PIK3R6: variants seen among roughly 807,000 people sequenced by gnomAD.
PIK3R6 encodes phosphoinositide 3-kinase regulatory subunit 6.
A neutral mutation model predicts 84.9 loss-of-function variants in PIK3R6; 91 were observed. The ratio of observed to expected loss-of-function variants is 1.07; its 90% CI spans 0.90 to 1.28. PIK3R6 has a LOEUF of 1.28. Ranked by LOEUF, PIK3R6 falls within the 50% of genes most tolerant of loss-of-function variation. PIK3R6 has a pLI of 0.00. For synonymous variants in PIK3R6, 416 were observed against 411.4 expected (o/e 1.01, Z -0.13); for missense variants, 996 against 985.1 (o/e 1.01, Z -0.15).
At chr17:8,829,916 C>G in intron 9 of PIK3R6, 124 bp from the exon 10 acceptor site, 3 of 691,176 alleles carry the variant, frequency 4.3e-6, no homozygotes, top group Non-Finnish European at 7.1e-6. Flanking sequence ...TCCTTCACAT[C>G]TGGTCTGCCT....
At chr17:8,826,964 C>T (rs1018141665) in intron 13 of PIK3R6, among the ~76,000 whole-genome samples, 1 of 152,118 alleles carries the variant, frequency 6.6e-6, no homozygotes, top group South Asian at 2.1e-4. Flanking sequence ...TTCAAAGCCA[C>T]TATCTGGTTA....
At position 8,803,652 on chromosome 17, in the gene PIK3R6, C is replaced by T; in HGVS notation, c.2109-223G>A. 1.8e-6 allele frequency: 1 copy of T among 561,394 alleles called. No homozygotes were observed. Among genetic ancestry groups the T allele is most frequent in the East Asian group, 3.0e-5 (1 of 33,072 alleles). 34.8% of individuals were successfully genotyped at this position (561,394 alleles called of 1,614,324 possible). A position where few individuals can be genotyped will look rare whatever the true frequency, so the allele number is the denominator to read the frequency against. On this transcript the variant is annotated intron_variant, in intron 19 of 19. Coordinates refer to ENST00000619866, the MANE Select transcript of PIK3R6 (RefSeq NM_001010855.4). The surrounding 1 kb of genome is among the most constrained non-coding windows in gnomAD (Gnocchi z 5.0). ...CTTGGAGCAAGTAACTCTGCGCATGCCTCCCTTACCCAAACACACCTCCCG... is the reference window on the plus strand; with the variant it reads ...CTTGGAGCAAGTAACTCTGCGCATGTCTCCCTTACCCAAACACACCTCCCG...
At position 8,828,120 on chromosome 17, in the gene PIK3R6, C is replaced by T. The variant is rs573753611; in HGVS notation, c.1384G>A (p.Ala462Thr). The change falls in exon 12 of 20, where the codon GCG becomes ACG. Residue 462 changes from alanine to threonine, a missense_variant. By Grantham distance (58) the Ala-to-Thr change is moderately conservative. Coordinates refer to ENST00000619866, the MANE Select transcript of PIK3R6 (RefSeq NM_001010855.4). ...SLQLYYIPVL[A>T]PEKPAASRQP... ...CCCCGCGGTCCAGTCACCTCAGGCGCCAGCACGGGGATGTAGTAGAGCTGC... is the reference window on the plus strand; with the variant it reads ...CCCCGCGGTCCAGTCACCTCAGGCGTCAGCACGGGGATGTAGTAGAGCTGC... 6.2e-7 allele frequency: 1 copy of T among 1,613,912 alleles called. No individual in the cohort carries two copies. The highest frequency in any genetic ancestry group is 2.2e-5 in the East Asian group (1 of 44,886).
chr17:8,818,075 C>T (rs151291579), intron 18 of PIK3R6, among the ~76,000 whole-genome samples: 1 of 152,240 alleles, frequency 6.6e-6, no homozygotes, highest in East Asian at 1.9e-4. Context: ...GCTGAGTGAT[C>T]CCAAGGATCC....
chr17:8,849,989 G>T (rs989309841), intron 1 of PIK3R6, 104 bp from the exon 2 acceptor site: 4 of 585,482 alleles, frequency 6.8e-6, no homozygotes, highest in South Asian at 5.9e-5. Flanking sequence ...TAGCACACTG[G>T]GGGGAAGTCT....
chr17:8,829,867 G>A, intron 9 of PIK3R6, 75 bp from the exon 10 acceptor site: 1 of 1,228,074 alleles, frequency 8.1e-7, no homozygotes, highest in Non-Finnish European at 1.1e-6. Flanking sequence ...ATCCTGCCCA[G>A]CTCCTGTGCG....
chr17:8,840,969 G>T (rs2088660134), intron 2 of PIK3R6, among the ~76,000 whole-genome samples: 1 of 151,934 alleles, frequency 6.6e-6, no homozygotes, highest in Admixed American at 6.6e-5. Context: ...AGCTAGGATG[G>T]TCTCAATCTC....
intron 2 of PIK3R6, among the ~76,000 whole-genome samples, chr17:8,841,900 G>A (rs532160597): frequency 8.5e-5 from 13 of 152,274 alleles, no homozygotes; most frequent in Non-Finnish European, 1.2e-4. Context: ...AGTGTTGGAC[G>A]TGGGGCCTAA....
intron 18 of PIK3R6, among the ~76,000 whole-genome samples, chr17:8,808,138 T>C (rs1567562784): frequency 1.3e-5 from 2 of 152,246 alleles, no homozygotes; most frequent in Middle Eastern, 3.4e-3. Context: ...GCAGAGGTGA[T>C]TGGTTAATGA....
chr17:8,838,344 TAGTGCTTCTTTTTGA>T (rs2088554856), intron 4 of PIK3R6: 1 of 525,880 alleles, frequency 1.9e-6, no homozygotes, highest in South Asian at 2.2e-5. Flanking sequence ...GGTCGCGTTA[TAGTGCTTCTTTTTGA>T]AAGATGTTTA....
At chr17:8,822,678 G>A in intron 15 of PIK3R6, 21 bp from the exon 16 acceptor site, 1 of 1,611,968 alleles carries the variant, frequency 6.2e-7, no homozygotes, top group African/African-American at 1.3e-5. Flanking sequence ...ATGAGAAGAG[G>A]CTTGGGGTGG....
At chr17:8,866,486 G>A (rs2151330118) in intron 1 of PIK3R6, among the ~76,000 whole-genome samples, 1 of 152,220 alleles carries the variant, frequency 6.6e-6, no homozygotes, top group South Asian at 2.1e-4. Flanking sequence ...AGGTTGCAGT[G>A]AGCCGAGATC....
chr17:8,836,550 T>C lies in PIK3R6; in HGVS notation c.458A>G (p.Glu153Gly). The C allele has an allele frequency of 6.2e-7, 1 of 1,613,954 alleles. No individual in the cohort carries two copies. The highest frequency in any genetic ancestry group is 8.5e-7 in the Non-Finnish European group (1 of 1,179,872). Residue 153 changes from glutamate to glycine, a missense_variant, in exon 7 of 20, where the codon GAG becomes GGG. Coordinates refer to ENST00000619866, the MANE Select transcript of PIK3R6 (RefSeq NM_001010855.4). ...CAATTTTTCTGGGGCCACTCACCTC[T>C]CCTGGTAGGGATACAGCTCATTCGT... ...NLTNELYPYQ[E>G]RVFLFVDPEL...
At chr17:8,829,554 ACT>A (rs951691976) in intron 10 of PIK3R6, among the ~76,000 whole-genome samples, 150 bp downstream of exon 10, 2 of 150,314 alleles carry the variant, frequency 1.3e-5, no homozygotes, top group East Asian at 1.9e-4. Context: ...ACAGACACAC[ACT>A]CATGCACACA....
chr17:8,847,415 AC>A (rs2088838174), intron 2 of PIK3R6, among the ~76,000 whole-genome samples: 3 of 152,196 alleles, frequency 2.0e-5, no homozygotes. Flanking sequence ...TCTTTTGCAT[AC>A]CCTGAAATAA....
intron 2 of PIK3R6, among the ~76,000 whole-genome samples, chr17:8,849,263 T>C (rs1001994439): frequency 1.3e-5 from 2 of 152,224 alleles, no homozygotes; most frequent in Admixed American, 6.5e-5. Context: ...AAGCAATCCA[T>C]ACTGAAATCA....
At chr17:8,832,199 C>T (rs1162724537) in intron 9 of PIK3R6, among the ~76,000 whole-genome samples, 1 of 152,086 alleles carries the variant, frequency 6.6e-6, no homozygotes, top group Non-Finnish European at 1.5e-5. Context: ...TCAGTTTCGT[C>T]CTCTGTAAAA....
Position 8,862,161 on chromosome 17 carries a change from G to C in PIK3R6, c.-92+5368C>G, listed in dbSNP as rs1016850710. Among the ~76,000 whole-genome samples the C allele has an allele frequency of 3.3e-5, 5 of 152,164 alleles. No individual in the cohort carries two copies. The highest frequency in any genetic ancestry group is 2.0e-4 in the Admixed American group (3 of 15,278). Reference sequence around the variant, plus strand: ...GGGGTCTTGGAGTGTGTCCCCTGCAGGTAAGGGGACTACGCTATTGCATTT... The same window carrying C: ...GGGGTCTTGGAGTGTGTCCCCTGCACGTAAGGGGACTACGCTATTGCATTT... On this transcript the variant is annotated intron_variant, in intron 1 of 19. Coordinates refer to ENST00000619866, the MANE Select transcript of PIK3R6 (RefSeq NM_001010855.4). The surrounding 1 kb of genome is among the most constrained non-coding windows in gnomAD (Gnocchi z 4.3).
At chr17:8,816,698 T>C (rs987762000) in intron 18 of PIK3R6, among the ~76,000 whole-genome samples, 1 of 152,156 alleles carries the variant, frequency 6.6e-6, no homozygotes, top group African/African-American at 2.4e-5. Flanking sequence ...ATTTCACTAA[T>C]TGGTAATAAA....
Sources: allele counts gnomAD v4.1 joint callset (sites outside exome capture counted in the v4.1 genomes callset), GRCh38; gene constraint gnomAD v4.1.1; non-coding constraint Gnocchi (gnomAD v3.1); transcripts MANE v1.5; gene names NCBI Gene and HGNC (gene_info 2026-07-23, HGNC 2026-07-21).